Variants in NBAS observed in about 807,000 individuals in gnomAD.
The protein encoded by NBAS is NAG/BC035112 fusion.
In NBAS, 219 loss-of-function variants were observed where a neutral mutation model predicts 302.5. The observed-to-expected ratio is 0.72, with a 90% CI of 0.65 to 0.81. NBAS has a LOEUF of 0.81. Ranked by LOEUF, NBAS falls within the 30% of genes least tolerant of loss-of-function variation. NBAS has a pLI of 0.00. For missense variants in NBAS, 2,932 were observed against 2,841.6 expected, an observed-to-expected ratio of 1.03 and a Z score of -0.72; for synonymous variants, 1,118 against 1,021.6, an observed-to-expected ratio of 1.09 and a Z score of -1.80.
intron 38 of NBAS, among the ~76,000 whole-genome samples, chr2:15,315,882 C>T (rs575098332): frequency 1.3e-5 from 2 of 152,214 alleles, no homozygotes; most frequent in Admixed American, 1.3e-4. Context: ...TACCTCTGGG[C>T]ATCAAAACTG....
At chr2:15,493,022 T>C (rs756321111) in intron 11 of NBAS, among the ~76,000 whole-genome samples, 12 of 151,932 alleles carry the variant, frequency 7.9e-5, no homozygotes, top group Non-Finnish European at 1.8e-4. Flanking sequence ...TAGTGGGAGG[T>C]GACTGGATCA....
chr2:15,208,492 T>C (rs71435469), intron 48 of NBAS, among the ~76,000 whole-genome samples: 66 of 152,260 alleles, frequency 4.3e-4, no homozygotes, highest in Non-Finnish European at 7.8e-4. Context: ...ATCGGACAGA[T>C]TGCCCAGACA....
chr2:15,138,858 T>A, the NBAS span, among the ~76,000 whole-genome samples: 308 of 152,322 alleles, frequency 2.0e-3, 1 homozygote, highest in Middle Eastern at 3.4e-3. Flanking sequence ...TAAGACACAT[T>A]TGTGAGCTCA....
the NBAS span, among the ~76,000 whole-genome samples, chr2:14,934,220 T>A: frequency 6.6e-6 from 1 of 152,198 alleles, no homozygotes; most frequent in Non-Finnish European, 1.5e-5. Flanking sequence ...CTAAAAGCAA[T>A]CACTATTAAT....
chr2:14,942,944 A>T, the NBAS span, among the ~76,000 whole-genome samples: 1 of 152,162 alleles, frequency 6.6e-6, no homozygotes, highest in African/African-American at 2.4e-5. Flanking sequence ...AGAGCCAGGG[A>T]CCTCTCTGCA....
chr2:15,159,101 C>T, the NBAS span, among the ~76,000 whole-genome samples: 1 of 152,160 alleles, frequency 6.6e-6, no homozygotes, highest in East Asian at 1.9e-4. Flanking sequence ...AGCCTCTGCC[C>T]TTCAGAAGAG....
the NBAS span, among the ~76,000 whole-genome samples, chr2:14,848,702 G>GGTT: frequency 6.7e-6 from 1 of 149,578 alleles, no homozygotes. Context: ...AGAGAGCAGT[G>GGTT]GTTCTCCCAG....
intron 21 of NBAS, among the ~76,000 whole-genome samples, chr2:15,428,398 G>C (rs967175657): frequency 6.6e-6 from 1 of 152,206 alleles, no homozygotes; most frequent in Non-Finnish European, 1.5e-5. Context: ...GTAAAGGAAT[G>C]ATTCTGCAGG....
chr2:15,061,684 T>C, the NBAS span, among the ~76,000 whole-genome samples: 1 of 152,168 alleles, frequency 6.6e-6, no homozygotes, highest in Non-Finnish European at 1.5e-5. Context: ...AGGACCCCAA[T>C]AGCATACTCC....
the NBAS span, among the ~76,000 whole-genome samples, chr2:15,010,216 C>T: frequency 6.6e-6 from 1 of 151,742 alleles, no homozygotes; most frequent in Non-Finnish European, 1.5e-5. Flanking sequence ...ACTAATTAGC[C>T]CAGCAAGGAA....
At chr2:14,998,607 T>C in the NBAS span, among the ~76,000 whole-genome samples, 3 of 152,218 alleles carry the variant, frequency 2.0e-5, no homozygotes, top group East Asian at 5.8e-4. Flanking sequence ...CAGGCTACTC[T>C]GGGGGATTCA....
At chr2:15,060,761 G>A in the NBAS span, among the ~76,000 whole-genome samples, 1 of 152,124 alleles carries the variant, frequency 6.6e-6, no homozygotes, top group Non-Finnish European at 1.5e-5. Context: ...CTGTAAAATT[G>A]GGGTGATTAT....
chr2:15,132,827 C>A, the NBAS span, among the ~76,000 whole-genome samples: 3 of 147,330 alleles, frequency 2.0e-5, no homozygotes, highest in African/African-American at 2.5e-5. Flanking sequence ...TTTTTTTAAA[C>A]AGGAAGATAG....
At chr2:14,908,996 CTT>C in the NBAS span, among the ~76,000 whole-genome samples, 1 of 152,126 alleles carries the variant, frequency 6.6e-6, no homozygotes, top group African/African-American at 2.4e-5. Context: ...TGACCCATCT[CTT>C]TTTATACGTT....
the NBAS span, among the ~76,000 whole-genome samples, chr2:15,098,023 T>C: frequency 3.8e-3 from 209 of 55,728 alleles, 7 homozygotes; most frequent in African/African-American, 0.019. Context: ...ATATTGTATA[T>C]AATATATATA....
the NBAS span, among the ~76,000 whole-genome samples, chr2:14,947,053 A>G: frequency 1.3e-5 from 2 of 152,160 alleles, no homozygotes; most frequent in Admixed American, 6.5e-5. Flanking sequence ...ATAAATGCCT[A>G]TATCAGAAAA....
chr2:15,362,856 T>C (rs1207109261), intron 32 of NBAS, among the ~76,000 whole-genome samples: 1 of 152,124 alleles, frequency 6.6e-6, no homozygotes, highest in African/African-American at 2.4e-5. Context: ...AAGAAGTTTA[T>C]CCTAGATAAT....
the NBAS span, among the ~76,000 whole-genome samples, chr2:15,076,121 G>A: frequency 1.3e-5 from 2 of 152,068 alleles, no homozygotes. Context: ...ACCTCTATTA[G>A]GCACACGAGC....
At chr2:14,951,184 G>T in the NBAS span, among the ~76,000 whole-genome samples, 1 of 152,284 alleles carries the variant, frequency 6.6e-6, no homozygotes, top group Admixed American at 6.5e-5. Context: ...ACAGAAGAAA[G>T]GATGGGAAAT....
Sources: gnomAD v4.1 joint callset for allele counts (sites outside exome capture counted in the v4.1 genomes callset) on GRCh38, gnomAD v4.1.1 for gene constraint, MANE v1.5 for transcripts, NCBI Gene and HGNC (gene_info 2026-07-23, HGNC 2026-07-21) for gene names.